Variants in PEBP4 observed in about 807,000 individuals in gnomAD.
PEBP4 encodes phosphatidylethanolamine binding protein 4, also known as phosphatidylethanolamine-binding protein 4.
A neutral mutation model predicts 23.9 loss-of-function variants in PEBP4; 22 were observed. That is an observed-to-expected ratio of 0.92 (90% CI 0.66 to 1.31). The LOEUF is 1.31. Ranked by LOEUF, PEBP4 falls within the 40% of genes most tolerant of loss-of-function variation. The pLI is 0.00. For synonymous variants in PEBP4, 112 were observed against 99.3 expected, an observed-to-expected ratio of 1.13 and a Z score of -0.76; for missense variants, 324 against 281.7, an observed-to-expected ratio of 1.15 and a Z score of -1.07.
intron 1 of PEBP4, among the ~76,000 whole-genome samples, chr8:22,935,160 TA>T (rs1809517188): frequency 1.3e-5 from 2 of 152,220 alleles, no homozygotes; most frequent in African/African-American, 2.4e-5. Flanking sequence ...TTAACAACAG[TA>T]ATTGGAAATT....
chr8:22,925,430 G>T, intron 2 of PEBP4: 1 of 636,508 alleles, frequency 1.6e-6, no homozygotes, highest in Non-Finnish European at 2.0e-6. Flanking sequence ...TTTAAGCTAT[G>T]TAAACACTGT....
chr8:22,927,898 A>G lies in PEBP4; in HGVS notation c.-82T>C, dbSNP rs1225969985. 2 of 653,482 alleles carry G rather than the reference A, an allele frequency of 3.1e-6. No individual in the cohort carries two copies. The highest frequency in any genetic ancestry group is 2.2e-5 in the South Asian group (1 of 46,392). The allele number at this position is 653,482 out of a possible 1,614,324, so 40.5% of individuals were successfully genotyped here. A position where few individuals can be genotyped will look rare whatever the true frequency, so the allele number is the denominator to read the frequency against. On this transcript the variant is annotated 5_prime_UTR_variant, in exon 1 of 7. Transcript: ENST00000256404. ...TAATCCAGTCCACCACCCGGACACA[A>G]GTACTTTGGGAGGACTGGGCCTCTT...
At chr8:22,930,435 C>A (rs1238810505), upstream of PEBP4, among the ~76,000 whole-genome samples, 1 of 151,942 alleles carries the variant, frequency 6.6e-6, no homozygotes, top group Non-Finnish European at 1.5e-5. Context: ...TCTCCTCATC[C>A]CCCCAGCCTA....
chr8:22,791,013 G>C (rs1806125677), intron 4 of PEBP4, among the ~76,000 whole-genome samples: 1 of 152,140 alleles, frequency 6.6e-6, no homozygotes, highest in Non-Finnish European at 1.5e-5. Flanking sequence ...GAGGGGAGGT[G>C]GGGGTGGTCA....
At chr8:22,925,391 C>G in intron 2 of PEBP4, 1 of 913,030 alleles carries the variant, frequency 1.1e-6, no homozygotes, top group Non-Finnish European at 1.3e-6. Context: ...TGGAGTCAGA[C>G]AAGGGGGCTA....
At chr8:22,783,239 A>G (rs1805963330) in intron 4 of PEBP4, among the ~76,000 whole-genome samples, 1 of 152,222 alleles carries the variant, frequency 6.6e-6, no homozygotes, top group Non-Finnish European at 1.5e-5. Flanking sequence ...TCTTGAGAAT[A>G]AGGGAGTGAT....
At chr8:22,815,733 A>C (rs993665637) in intron 4 of PEBP4, among the ~76,000 whole-genome samples, 1 of 151,206 alleles carries the variant, frequency 6.6e-6, no homozygotes, top group African/African-American at 2.4e-5. Flanking sequence ...GACAGCTGCC[A>C]CCTGTCACCT....
intron 6 of PEBP4, among the ~76,000 whole-genome samples, chr8:22,714,568 A>G (rs1279449196): frequency 1.4e-5 from 2 of 148,066 alleles, no homozygotes; most frequent in Non-Finnish European, 1.5e-5. Flanking sequence ...AAATGCAGCA[A>G]CCTCCCAGGG....
At chr8:22,837,860 T>A (rs1402279579) in intron 3 of PEBP4, among the ~76,000 whole-genome samples, 1 of 151,894 alleles carries the variant, frequency 6.6e-6, no homozygotes, top group Non-Finnish European at 1.5e-5. Context: ...TGTGGGCTTC[T>A]TTTGGCCTCT....
intron 3 of PEBP4, among the ~76,000 whole-genome samples, chr8:22,900,639 G>C (rs967873560): frequency 6.8e-6 from 1 of 147,192 alleles, no homozygotes; most frequent in African/African-American, 2.5e-5. Context: ...ATGGAGAATG[G>C]AGTGAGACTC....
At chr8:22,930,185 CAT>C (rs34666433), upstream of PEBP4, among the ~76,000 whole-genome samples, 634 of 152,296 alleles carry the variant, frequency 4.2e-3, 5 homozygotes, top group African/African-American at 0.014. Context: ...CTTCCTCTCA[CAT>C]GTTACCTCTG....
chr8:22,929,577 C>A (rs897299065), upstream of PEBP4, among the ~76,000 whole-genome samples: 2 of 152,208 alleles, frequency 1.3e-5, no homozygotes, highest in African/African-American at 4.8e-5. Context: ...ACTATTATCA[C>A]CCCATCTTAT....
chr8:22,759,419 C>A (rs1179245188), intron 4 of PEBP4, among the ~76,000 whole-genome samples: 4 of 151,910 alleles, frequency 2.6e-5, no homozygotes, highest in Non-Finnish European at 5.9e-5. Context: ...TGAAAGCAAC[C>A]ATGTCCCAAG....
At chr8:22,785,472 G>C (rs1806009224) in intron 4 of PEBP4, among the ~76,000 whole-genome samples, 2 of 152,124 alleles carry the variant, frequency 1.3e-5, no homozygotes, top group South Asian at 4.2e-4. Flanking sequence ...TCTGGAATGG[G>C]GTAAGGCTCT....
chr8:22,934,018 T>G (rs1809500575), intron 1 of PEBP4, among the ~76,000 whole-genome samples: 1 of 152,102 alleles, frequency 6.6e-6, no homozygotes, highest in South Asian at 2.1e-4. Flanking sequence ...AAAGCAGGAA[T>G]GAGAAATGGG....
At chr8:22,842,239 G>A (rs959329193) in intron 3 of PEBP4, among the ~76,000 whole-genome samples, 5 of 152,194 alleles carry the variant, frequency 3.3e-5, no homozygotes, top group African/African-American at 1.2e-4. Flanking sequence ...AAAACGTTTG[G>A]AGAAACTGGC....
At chr8:22,916,212 A>T (rs1217991356) in intron 3 of PEBP4, among the ~76,000 whole-genome samples, 1 of 152,238 alleles carries the variant, frequency 6.6e-6, no homozygotes, top group African/African-American at 2.4e-5. Flanking sequence ...GCACTTCAAA[A>T]GGATTCCAGC....
chr8:22,713,685 G>T lies in PEBP4; in HGVS notation c.518-149C>A, dbSNP rs567017794. On this transcript the variant is annotated intron_variant, in intron 6 of 6. Coordinates refer to ENST00000256404, the MANE Select transcript of PEBP4 (RefSeq NM_144962.3). ...GGCGTAGTGGCTGGGGGAGCTTCCGGCTCCTGTTGCAGAGGTAGCCCCCAG... is the reference window on the plus strand; with the variant it reads ...GGCGTAGTGGCTGGGGGAGCTTCCGTCTCCTGTTGCAGAGGTAGCCCCCAG... 6.8e-5 allele frequency: 76 copies of T among 1,120,240 alleles called. No individual in the cohort carries two copies. The East Asian group carries it at 1.9e-3, about 28-fold the overall frequency. The allele number at this position is 1,120,240 out of a possible 1,614,324, so 69.4% of individuals were successfully genotyped here. A position where few individuals can be genotyped will look rare whatever the true frequency, so the allele number is the denominator to read the frequency against.
chr8:22,906,521 AAC>A (rs1808817639), intron 3 of PEBP4, among the ~76,000 whole-genome samples: 1 of 152,080 alleles, frequency 6.6e-6, no homozygotes, highest in Non-Finnish European at 1.5e-5. Flanking sequence ...AAAACAAACA[AAC>A]AAAAAACCCC....
Sources: gnomAD v4.1 joint callset for allele counts (sites outside exome capture counted in the v4.1 genomes callset) on GRCh38, gnomAD v4.1.1 for gene constraint, MANE v1.5 for transcripts, NCBI Gene and HGNC (gene_info 2026-07-23, HGNC 2026-07-21) for gene names.